COL4A4: variants seen among roughly 807,000 people sequenced by gnomAD.
COL4A4 encodes collagen alpha-4(IV) chain.
In COL4A4, 105 loss-of-function variants were observed where a neutral mutation model predicts 192.9. The observed-to-expected ratio is 0.54, with a 90% CI of 0.46 to 0.64. The LOEUF is 0.64. Ranked by LOEUF, COL4A4 falls within the 30% of genes least tolerant of loss-of-function variation. The pLI is 0.00. For missense variants in COL4A4, 1,967 were observed against 2,169.3 expected (o/e 0.91, Z 1.85); for synonymous variants, 762 against 769.9 (o/e 0.99, Z 0.17).
At chr2:227,019,879 C>A (rs1362386533) in intron 44 of COL4A4, among the ~76,000 whole-genome samples, 2 of 152,212 alleles carry the variant, frequency 1.3e-5, no homozygotes, top group Non-Finnish European at 2.9e-5. Context: ...GTTGGCCAGG[C>A]TAGTCTCAAA....
chr2:227,032,394 A>T, intron 38 of COL4A4, 118 bp from the exon 39 acceptor site: 1 of 1,169,172 alleles, frequency 8.6e-7, no homozygotes, highest in Non-Finnish European at 1.2e-6. Flanking sequence ...GCAGACACCA[A>T]CAACTGGTTG....
Position 227,027,939 on chromosome 2 carries a change from A to G in COL4A4, c.4044T>C (p.Pro1348=). 1.2e-6 allele frequency: 2 copies of G among 1,613,996 alleles called. No individual in the cohort carries two copies. Among genetic ancestry groups the G allele is most frequent in the Non-Finnish European group, 1.7e-6 (2 of 1,179,902 alleles). The stretch of plus-strand genomic sequence containing the variant: ...TGGGCCCTTTTCTCCCTGGAGGTCC[A>G]GGTAAACCCTTCTCTCCAGGTGGCC... ...FPGPPGEKGL[P]GPPGRKGPTG... Residue 1348 remains proline, a synonymous_variant, in exon 42 of 48, where the codon CCT becomes CCC. Transcript: ENST00000396625.
At chr2:227,088,453 T>C (rs745892151) in intron 22 of COL4A4, among the ~76,000 whole-genome samples, 200 bp downstream of exon 22, 1 of 152,166 alleles carries the variant, frequency 6.6e-6, no homozygotes, top group Non-Finnish European at 1.5e-5. Context: ...TCACCTGCTG[T>C]CGTGTAAGAC....
intron 37 of COL4A4, among the ~76,000 whole-genome samples, chr2:227,041,847 AGAGAAAGAAAGAAAGAAAG>A (rs1971288901): frequency 2.7e-5 from 1 of 36,570 alleles, no homozygotes; most frequent in African/African-American, 1.6e-4. Context: ...AAAGAAAGAA[AGAGAAAGAAAGAAAGAAAG>A]AAAGAAAGAA....
chr2:227,121,248 A>G, intron 4 of COL4A4, 100 bp from the exon 5 acceptor site: 1 of 1,311,898 alleles, frequency 7.6e-7, no homozygotes, highest in East Asian at 2.5e-5. Context: ...CTTGGAAATT[A>G]GATTTGCACA....
chr2:227,008,118 T>C lies in COL4A4; in HGVS notation c.4709A>G (p.Glu1570Gly), dbSNP rs1161613714. The change falls in exon 47 of 48, where the codon GAG becomes GGG. Residue 1570 changes from glutamate to glycine, a missense_variant. Coordinates refer to ENST00000396625, the MANE Select transcript of COL4A4 (RefSeq NM_000092.5). ...RPYVSRCAVCEAPAQAVAVHS... is the reference protein window; with the variant it reads ...RPYVSRCAVCGAPAQAVAVHS... ...CACCGCCACCGCCTGGGCCGGGGCC[T>C]CGCATACCGCACAGCGGCTGACATA... is the stretch of plus-strand genomic sequence containing the variant. 2.5e-6 allele frequency: 4 copies of C among 1,613,962 alleles called. No individual in the cohort carries two copies. Among genetic ancestry groups the C allele is most frequent in the Non-Finnish European group, 3.4e-6 (4 of 1,179,986 alleles).
rs572265007 is a variant in COL4A4 at position 227,050,839 on chromosome 2, T to C, written c.3150+138A>G. On this transcript the variant is annotated intron_variant, in intron 33 of 47. Transcript: ENST00000396625. ...TGGCCTTCTAGAAGGCTCTATTTTC[T>C]CCTTGAGCTACACCTTACATTCTAA... The C allele has an allele frequency of 2.4e-5, 24 of 1,007,546 alleles. No individual in the cohort carries two copies. In the African/African-American group the frequency reaches 2.9e-4, roughly 12 times the overall value. The allele number at this position is 1,007,546 out of a possible 1,614,324, so 62.4% of individuals were successfully genotyped here.
the COL4A4 span, among the ~76,000 whole-genome samples, chr2:226,978,807 G>T: frequency 1.6e-4 from 25 of 152,184 alleles, no homozygotes; most frequent in Non-Finnish European, 2.9e-5. Flanking sequence ...CACTTCCCTG[G>T]AGAAGTTGTG....
rs919500098 is a variant in COL4A4 at position 227,098,902 on chromosome 2, C to G, written c.1100-104G>C. On this transcript the variant is annotated intron_variant, in intron 18 of 47. Coordinates refer to ENST00000396625, the MANE Select transcript of COL4A4 (RefSeq NM_000092.5). ...GACTCAGTAAAGTATAATTAGGAGA[C>G]ATTTTTGCAGTTTCTCATTACATTT... 2.4e-5 allele frequency: 23 copies of G among 946,102 alleles called. No individual in the cohort carries two copies. In the African/African-American group the frequency reaches 3.6e-4, roughly 15 times the overall value. 58.6% of individuals were successfully genotyped at this position (946,102 alleles called of 1,614,324 possible).
At chr2:227,041,852 A>AGAGAGAGAGAGAG (rs1971334980) in intron 37 of COL4A4, among the ~76,000 whole-genome samples, 8 of 71,388 alleles carry the variant, frequency 1.1e-4, no homozygotes, top group African/African-American at 2.7e-4. Flanking sequence ...AAGAAAGAGA[A>AGAGAGAGAGAGAG]AGAAAGAAAG....
At chr2:226,980,653 T>C in the COL4A4 span, among the ~76,000 whole-genome samples, 2 of 152,188 alleles carry the variant, frequency 1.3e-5, no homozygotes, top group Non-Finnish European at 2.9e-5. Context: ...TAAAACCATA[T>C]AGTCCTTTCT....
the COL4A4 span, among the ~76,000 whole-genome samples, chr2:226,967,464 A>G: frequency 6.6e-6 from 1 of 151,974 alleles, no homozygotes; most frequent in African/African-American, 2.4e-5. Flanking sequence ...TACATGTGCC[A>G]TGTTGGTGTG....
At chr2:227,047,828 G>A (rs1325258246) in intron 34 of COL4A4, among the ~76,000 whole-genome samples, 2 of 151,366 alleles carry the variant, frequency 1.3e-5, no homozygotes, top group Non-Finnish European at 2.9e-5. Context: ...TTTAAGTCCT[G>A]AAAAAATTTT....
At position 227,006,150 on chromosome 2, in the gene COL4A4, C is replaced by T. The variant is rs1000623989; in HGVS notation, c.*1175G>A. 6.6e-6 allele frequency: 1 copy of T among 152,624 alleles called. No homozygotes were observed. The highest frequency in any genetic ancestry group is 1.5e-5 in the Non-Finnish European group (1 of 68,036). The allele number at this position is 152,624 out of a possible 1,614,324, so 9.5% of individuals were successfully genotyped here. Reference sequence around the variant, plus strand: ...GTCTTTGTTTCGTTTAAAGATAGTGCCATGTCCTCCTGATGGGGTAACCCT... The same window carrying T: ...GTCTTTGTTTCGTTTAAAGATAGTGTCATGTCCTCCTGATGGGGTAACCCT... On this transcript the variant is annotated 3_prime_UTR_variant, in exon 48 of 48. Transcript: ENST00000396625.
intron 30 of COL4A4, among the ~76,000 whole-genome samples, chr2:227,055,649 C>T (rs1975152893): frequency 6.6e-6 from 1 of 151,994 alleles, no homozygotes; most frequent in African/African-American, 2.4e-5. Flanking sequence ...GAGTGGGGAC[C>T]CCCTCCAAAA....
At chr2:227,075,059 A>C (rs1286838793) in intron 25 of COL4A4, among the ~76,000 whole-genome samples, 1 of 152,182 alleles carries the variant, frequency 6.6e-6, no homozygotes, top group Non-Finnish European at 1.5e-5. Context: ...TTCACAGCCG[A>C]AGTTTACCAG....
At chr2:227,021,911 A>C (rs1559428957) in intron 44 of COL4A4, 137 bp downstream of exon 44, 1 of 964,046 alleles carries the variant, frequency 1.0e-6, no homozygotes, top group African/African-American at 1.6e-5. Flanking sequence ...TCAAGGTAGA[A>C]ACAAATTGCA....
chr2:227,117,508 A>G (rs2061552977), intron 7 of COL4A4, among the ~76,000 whole-genome samples: 1 of 152,228 alleles, frequency 6.6e-6, no homozygotes, highest in Non-Finnish European at 1.5e-5. Context: ...TTTAGTGTTC[A>G]GATCAGTTCC....
intron 2 of COL4A4, among the ~76,000 whole-genome samples, chr2:227,146,712 T>C (rs921370603): frequency 6.6e-6 from 1 of 152,138 alleles, no homozygotes; most frequent in East Asian, 1.9e-4. Flanking sequence ...CTTCTCCAGA[T>C]TCTAGAGGCT....
Sources: gnomAD v4.1 joint callset for allele counts (sites outside exome capture counted in the v4.1 genomes callset) on GRCh38, gnomAD v4.1.1 for gene constraint, MANE v1.5 for transcripts, NCBI Gene and HGNC (gene_info 2026-07-23, HGNC 2026-07-21) for gene names.